The following PDLIM5 variants were observed in gnomAD, a reference collection of about 807,000 sequenced individuals.
The protein encoded by PDLIM5 is PDZ and LIM domain 5, also known as PDZ and LIM domain protein 5.
Under a neutral mutation model 64.2 loss-of-function variants are expected in PDLIM5, and 34 were observed. The observed-to-expected ratio is 0.53, with a 90% confidence interval of 0.40 to 0.71. PDLIM5 has a LOEUF of 0.71. PDLIM5 is among the 30% of genes least tolerant of loss of function. PDLIM5 has a pLI of 0.00. For synonymous variants in PDLIM5, 253 were observed against 269.1 expected (o/e 0.94, Z 0.59); for missense variants, 683 against 733.6 (o/e 0.93, Z 0.80).
chr4:94,455,236 T>C lies in PDLIM5; in HGVS notation c.-42-11T>C. 9.4e-7 allele frequency: 1 copy of C among 1,067,946 alleles called. No individual in the cohort carries two copies. Among genetic ancestry groups the C allele is most frequent in the Non-Finnish European group, 1.4e-6 (1 of 695,492 alleles). 66.2% of individuals were successfully genotyped at this position (1,067,946 alleles called of 1,614,324 possible). A position where few individuals can be genotyped will look rare whatever the true frequency, so the allele number is the denominator to read the frequency against. ...AAACATTTTTGCTAATCATCTGATT[T>C]TCTTTCACAGCATATTTCATTTTCT... is the stretch of plus-strand genomic sequence containing the variant. On this transcript the variant is annotated splice_polypyrimidine_tract_variant and intron_variant, in intron 1 of 12. Transcript: ENST00000317968.
At chr4:94,633,451 C>T (rs1390167682) in intron 8 of PDLIM5, among the ~76,000 whole-genome samples, 3 of 152,174 alleles carry the variant, frequency 2.0e-5, no homozygotes, top group Non-Finnish European at 4.4e-5. Context: ...TCTACTTCTT[C>T]AAGTTATTTT....
intron 2 of PDLIM5, among the ~76,000 whole-genome samples, chr4:94,460,369 CGTT>C (rs1368749810): frequency 6.6e-6 from 1 of 151,882 alleles, no homozygotes; most frequent in African/African-American, 2.4e-5. Context: ...TTTTAGTAAA[CGTT>C]GGGCATTTTG....
At chr4:94,582,438 G>A (rs1215572509) in intron 5 of PDLIM5, 1 of 341,484 alleles carries the variant, frequency 2.9e-6, no homozygotes, top group Non-Finnish European at 5.3e-6. Flanking sequence ...AGTTTTCAGT[G>A]TTTTGTGGGA....
intron 9 of PDLIM5, among the ~76,000 whole-genome samples, chr4:94,649,655 T>G (rs1741689798): frequency 6.6e-6 from 1 of 152,270 alleles, no homozygotes; most frequent in Admixed American, 6.5e-5. Context: ...ATATTGCATT[T>G]AGTAAAGTCT....
At chr4:94,458,536 T>C (rs1383008681) in intron 2 of PDLIM5, among the ~76,000 whole-genome samples, 1 of 152,142 alleles carries the variant, frequency 6.6e-6, no homozygotes, top group Non-Finnish European at 1.5e-5. Context: ...GGAAAAAAAA[T>C]CAGAAGTTTG....
intron 3 of PDLIM5, among the ~76,000 whole-genome samples, chr4:94,548,810 C>A (rs910039423): frequency 6.6e-6 from 1 of 152,048 alleles, no homozygotes; most frequent in Non-Finnish European, 1.5e-5. Context: ...GTTACCTTGC[C>A]AGTGGTGATT....
chr4:94,624,035 GCACTGTGGCTCA>G (rs1739462490), intron 8 of PDLIM5, among the ~76,000 whole-genome samples: 1 of 151,998 alleles, frequency 6.6e-6, no homozygotes, highest in South Asian at 2.1e-4. Context: ...TGAGGGCTAG[GCACTGTGGCTCA>G]CACCTGTAAT....
chr4:94,530,989 T>C (rs949662852), intron 3 of PDLIM5, among the ~76,000 whole-genome samples: 3 of 152,214 alleles, frequency 2.0e-5, no homozygotes, highest in African/African-American at 7.2e-5. Context: ...AAAGTACTTT[T>C]TTCAATCGAA....
intron 5 of PDLIM5, among the ~76,000 whole-genome samples, chr4:94,583,387 TTATAGAGGATAAAA>T (rs559976395): frequency 2.6e-5 from 4 of 152,134 alleles, no homozygotes; most frequent in Admixed American, 6.5e-5. Flanking sequence ...ACCAAACCTT[TTATAGAGGATAAAA>T]TAGTCTTACA....
At chr4:94,615,858 A>G (rs1004081811) in intron 7 of PDLIM5, among the ~76,000 whole-genome samples, 4 of 152,192 alleles carry the variant, frequency 2.6e-5, no homozygotes, top group Non-Finnish European at 5.9e-5. Context: ...TTAGGCAAAC[A>G]ATGTAGTTAC....
At chr4:94,525,435 T>G (rs12502803) in intron 3 of PDLIM5, among the ~76,000 whole-genome samples, 27,669 of 151,454 alleles carry the variant, frequency 0.18, 2,997 homozygotes, top group African/African-American at 0.3. Flanking sequence ...CCCAAAAAAA[T>G]ATTAAAAAAA....
chr4:94,516,916 G>A (rs991280088), intron 2 of PDLIM5, among the ~76,000 whole-genome samples: 2 of 152,098 alleles, frequency 1.3e-5, no homozygotes, highest in African/African-American at 2.4e-5. Context: ...AGCATTTGTA[G>A]ACTGCTCAAA....
At chr4:94,578,628 G>A (rs1735483056) in intron 5 of PDLIM5, among the ~76,000 whole-genome samples, 1 of 152,142 alleles carries the variant, frequency 6.6e-6, no homozygotes, top group Admixed American at 6.5e-5. Flanking sequence ...TTACTAGTCA[G>A]TGATGTGTCA....
At chr4:94,454,669 G>A (rs1723166337) in intron 1 of PDLIM5, among the ~76,000 whole-genome samples, 2 of 152,178 alleles carry the variant, frequency 1.3e-5, no homozygotes, top group Admixed American at 6.5e-5. Flanking sequence ...GTCCCCATAG[G>A]AGGAAATACA....
At chr4:94,542,501 G>A (rs949323008) in intron 3 of PDLIM5, among the ~76,000 whole-genome samples, 1 of 152,086 alleles carries the variant, frequency 6.6e-6, no homozygotes, top group Non-Finnish European at 1.5e-5. Flanking sequence ...GAAGGTTTCA[G>A]TGATACATCT....
chr4:94,480,639 A>G (rs1578225828), intron 2 of PDLIM5, among the ~76,000 whole-genome samples: 1 of 152,194 alleles, frequency 6.6e-6, no homozygotes, highest in Admixed American at 6.5e-5. Flanking sequence ...TAGGGAAGAT[A>G]CAGAAAGGGA....
At chr4:94,544,125 GTC>G (rs1246203293) in intron 3 of PDLIM5, among the ~76,000 whole-genome samples, 1 of 152,026 alleles carries the variant, frequency 6.6e-6, no homozygotes, top group African/African-American at 2.4e-5. Context: ...CACCACTCCA[GTC>G]TCTGCCTCCT....
intron 3 of PDLIM5, among the ~76,000 whole-genome samples, chr4:94,536,743 C>T (rs1162476143): frequency 6.6e-6 from 1 of 152,160 alleles, no homozygotes; most frequent in Non-Finnish European, 1.5e-5. Flanking sequence ...TAGTTAATGG[C>T]AGCAGTCTCC....
At chr4:94,554,357 C>A (rs997209845) in intron 3 of PDLIM5, among the ~76,000 whole-genome samples, 2 of 152,000 alleles carry the variant, frequency 1.3e-5, no homozygotes, top group Non-Finnish European at 2.9e-5. Context: ...TTGGAAGATA[C>A]AGAAAAAAAG....
Sources: gnomAD v4.1 joint callset for allele counts (sites outside exome capture counted in the v4.1 genomes callset) on GRCh38, gnomAD v4.1.1 for gene constraint, MANE v1.5 for transcripts, NCBI Gene and HGNC (gene_info 2026-07-23, HGNC 2026-07-21) for gene names.